Variants in TMEM63B observed in about 807,000 individuals in gnomAD.
The protein encoded by TMEM63B is transmembrane protein 63B.
TMEM63B carries 23 observed loss-of-function variants against 102.6 expected under a neutral mutation model. That is an observed-to-expected ratio of 0.22 (90% CI 0.16 to 0.32). The LOEUF is 0.32. Among genes scored for constraint, TMEM63B ranks in the 10% least tolerant of loss-of-function variants. The pLI, the probability that TMEM63B is intolerant of heterozygous loss-of-function variation, is 1.00. For missense variants in TMEM63B, 628 were observed against 1,095.9 expected, an observed-to-expected ratio of 0.57 and a Z score of 6.03; for synonymous variants, 444 against 437.0, an observed-to-expected ratio of 1.02 and a Z score of -0.20.
rs927208802 is a variant in TMEM63B, at chr6:44,152,832, G to A, written c.1942+134G>A. The A allele has an allele frequency of 3.1e-5, 22 of 712,344 alleles. No individual in the cohort carries two copies. The highest frequency in any genetic ancestry group is 2.2e-4 in the East Asian group (8 of 36,888). 44.1% of individuals were successfully genotyped at this position (712,344 alleles called of 1,614,324 possible). On this transcript the variant is annotated intron_variant, in intron 20 of 23. Coordinates refer to ENST00000323267, the MANE Select transcript of TMEM63B (RefSeq NM_018426.3). The surrounding 1 kb of genome is among the most constrained non-coding windows in gnomAD (Gnocchi z 6.4). The stretch of plus-strand genomic sequence containing the variant: ...GACCGGCCCCTCGGGGCTCCCGCCC[G>A]GTCCCTGGCTCAGTCTGGGGCCTGG...
intron 1 of TMEM63B, among the ~76,000 whole-genome samples, chr6:44,130,658 C>T (rs1778089463): frequency 1.3e-5 from 2 of 151,598 alleles, no homozygotes; most frequent in African/African-American, 4.8e-5. Context: ...GCTATGTTGC[C>T]CAAGCTGGTC....
chr6:44,146,238 G>C (rs2128250238), intron 10 of TMEM63B, among the ~76,000 whole-genome samples: 1 of 152,096 alleles, frequency 6.6e-6, no homozygotes. Context: ...CCCTGGACAG[G>C]AATCAGACCA....
chr6:44,135,269 C>T, intron 3 of TMEM63B, 59 bp from the exon 4 acceptor site: 3 of 1,587,138 alleles, frequency 1.9e-6, no homozygotes, highest in Non-Finnish European at 2.6e-6. Context: ...CCCTGTTCCT[C>T]ACCTGTCCCC....
chr6:44,132,120 C>G lies in TMEM63B; in HGVS notation c.-24-2441C>G, dbSNP rs558200401. The stretch of plus-strand genomic sequence containing the variant: ...GCCCAGGCTCCACCCCTTACCTGTC[C>G]TGTCACTGTGCAAGTTGCTTCCCCT... On this transcript the variant is annotated intron_variant, in intron 1 of 23. Coordinates refer to ENST00000323267, the MANE Select transcript of TMEM63B (RefSeq NM_018426.3). Among the ~76,000 whole-genome samples the G allele has an allele frequency of 3.9e-5, 6 of 152,348 alleles. No homozygotes were observed. The East Asian group carries it at 1.2e-3, about 29-fold the overall frequency.
chr6:44,148,142 A>T lies in TMEM63B; in HGVS notation c.988-110A>T. On this transcript the variant is annotated intron_variant, in intron 12 of 23. Coordinates refer to ENST00000323267, the MANE Select transcript of TMEM63B (RefSeq NM_018426.3). This position sits in a 1 kb window ranked among gnomAD's most constrained non-coding sequence, Gnocchi z 5.1. The stretch of plus-strand genomic sequence containing the variant: ...TGTTTCCAAAAAAAAAAAAATGCTT[A>T]GAGGAGCAGTGCCTGGCTTGTAGGA... The T allele has an allele frequency of 6.7e-7, 1 of 1,489,518 alleles. No homozygotes were observed. Among genetic ancestry groups the T allele is most frequent in the Non-Finnish European group, 9.0e-7 (1 of 1,109,118 alleles). 92.3% of individuals were successfully genotyped at this position (1,489,518 alleles called of 1,614,324 possible).
At chr6:44,146,974 A>G in intron 11 of TMEM63B, 47 bp downstream of exon 11, 2 of 1,590,164 alleles carry the variant, frequency 1.3e-6, no homozygotes, top group African/African-American at 1.3e-5. Context: ...GCCCCCTGCC[A>G]TTGTGGAGGA....
In TMEM63B at chr6:44,148,811, G is replaced by A; in HGVS notation, c.1279G>A (p.Gly427Ser). 6.2e-7 allele frequency: 1 copy of A among 1,614,098 alleles called. No homozygotes were observed. The highest frequency in any genetic ancestry group is 8.5e-7 in the Non-Finnish European group (1 of 1,180,024). ...NIYWEHLSIR[G>S]FIWWLRCLVI... is the part of the protein sequence containing the mutation. Reference sequence around the variant, plus strand: ...TGCCAGGGAGCACCTCTCCATCCGAGGCTTCATCTGGTGGCTGCGCTGCCT... The same window carrying A: ...TGCCAGGGAGCACCTCTCCATCCGAAGCTTCATCTGGTGGCTGCGCTGCCT... Residue 427 changes from glycine (G) to serine (S), a missense_variant, in exon 15 of 24, where the codon GGC becomes AGC. By Grantham distance (56) the Gly-to-Ser change is moderately conservative. Coordinates refer to ENST00000323267, the MANE Select transcript of TMEM63B (RefSeq NM_018426.3). This position sits in a 1 kb window ranked among gnomAD's most constrained non-coding sequence, Gnocchi z 5.1.
chr6:44,140,578 G>T lies in TMEM63B; in HGVS notation c.711+218G>T, dbSNP rs1049387333. The T allele has an allele frequency of 9.1e-6, 6 of 656,372 alleles. No homozygotes were observed. The Admixed American group carries it at 1.3e-4, about 14-fold the overall frequency. The allele number at this position is 656,372 out of a possible 1,614,324, so 40.7% of individuals were successfully genotyped here. A position where few individuals can be genotyped will look rare whatever the true frequency, so the allele number is the denominator to read the frequency against. ...ACAGTACCTCCCCCAAGGTTGTGGG[G>T]AATACACAGAAACAGCCGTGCTGTG... is the stretch of plus-strand genomic sequence containing the variant. On this transcript the variant is annotated intron_variant, in intron 9 of 23. Coordinates refer to ENST00000323267, the MANE Select transcript of TMEM63B (RefSeq NM_018426.3).
chr6:44,150,372 G>A lies in TMEM63B; in HGVS notation c.1607+62G>A, dbSNP rs1413618242. On this transcript the variant is annotated intron_variant, in intron 17 of 23. Coordinates refer to ENST00000323267, the MANE Select transcript of TMEM63B (RefSeq NM_018426.3). This position sits in a 1 kb window ranked among gnomAD's most constrained non-coding sequence, Gnocchi z 4.7. ...GGGACAGCAGGATAGGGAGAGGAGA[G>A]CAGTTCAGCCTCCCTACCTCCCCTA... The A allele has an allele frequency of 6.5e-7, 1 of 1,548,602 alleles. No individual in the cohort carries two copies. Among genetic ancestry groups the A allele is most frequent in the Non-Finnish European group, 8.9e-7 (1 of 1,121,062 alleles).
At chr6:44,149,264 C>G (rs957844609) in intron 15 of TMEM63B, 1 of 433,514 alleles carries the variant, frequency 2.3e-6, no homozygotes, top group Non-Finnish European at 4.3e-6. Flanking sequence ...TCAACTAGAT[C>G]AGTGGCTTTG....
chr6:44,138,583 A>C, intron 6 of TMEM63B, 66 bp downstream of exon 6: 1 of 1,602,070 alleles, frequency 6.2e-7, no homozygotes, highest in Non-Finnish European at 8.5e-7. Flanking sequence ...CTCCCTACAA[A>C]ATTCAGAAGC....
chr6:44,148,193 G>A lies in TMEM63B; in HGVS notation c.988-59G>A. On this transcript the variant is annotated intron_variant, in intron 12 of 23. Transcript: ENST00000323267. This position sits in a 1 kb window ranked among gnomAD's most constrained non-coding sequence, Gnocchi z 5.1. ...AGCCCCAAGTCAGCGTGGGCTGGATGCTGCAGGCCCCAGCCTGGCTTTCCA... is the reference window on the plus strand; with the variant it reads ...AGCCCCAAGTCAGCGTGGGCTGGATACTGCAGGCCCCAGCCTGGCTTTCCA... 1.2e-6 allele frequency: 2 copies of A among 1,601,136 alleles called. No homozygotes were observed. Among genetic ancestry groups the A allele is most frequent in the East Asian group, 4.5e-5 (2 of 44,718 alleles).
At chr6:44,138,326 A>T in intron 5 of TMEM63B, 154 bp from the exon 6 acceptor site, 2 of 862,854 alleles carry the variant, frequency 2.3e-6, no homozygotes, top group Admixed American at 2.1e-5. Context: ...CTTTTTGGGT[A>T]TAAGCTAGTT....
intron 10 of TMEM63B, among the ~76,000 whole-genome samples, chr6:44,142,872 A>G (rs1157507499): frequency 1.3e-5 from 2 of 152,214 alleles, no homozygotes; most frequent in Admixed American, 1.3e-4. Context: ...TTAGCCAGAC[A>G]TGGTAGCATG....
At chr6:44,151,755 G>GT in intron 18 of TMEM63B, 91 bp from the exon 19 acceptor site, 11 of 1,416,210 alleles carry the variant, frequency 7.8e-6, no homozygotes, top group Non-Finnish European at 1.1e-5. Flanking sequence ...CATGTTGGTG[G>GT]TGGAGGTGTT....
At position 44,138,737 on chromosome 6, in the gene TMEM63B, C is replaced by CCCCCCCCCCA; in HGVS notation, c.407+226_407+227insCCCACCCCCC. ...AATCTCCTCTGTGACCCCCTGCCGGCCCCCCCGCTTCTCTCCCTGCCCTGC... is the reference window on the plus strand; with the variant it reads ...AATCTCCTCTGTGACCCCCTGCCGGCCCCCCCCCCACCCCCCGCTTCTCTCCCTGCCCTGC... On this transcript the variant is annotated intron_variant, in intron 6 of 23. Transcript: ENST00000323267. The CCCCCCCCCCA allele has an allele frequency of 6.1e-6, 2 of 328,106 alleles. 1 individual carries two copies. The highest frequency in any genetic ancestry group is 1.1e-5 in the Non-Finnish European group (2 of 180,146). 20.3% of individuals were successfully genotyped at this position (328,106 alleles called of 1,614,324 possible).
intron 1 of TMEM63B, among the ~76,000 whole-genome samples, chr6:44,129,014 G>A (rs930298766): frequency 3.3e-5 from 5 of 152,198 alleles, no homozygotes; most frequent in African/African-American, 1.2e-4. Flanking sequence ...AGAGACCTGC[G>A]TTCAAATTCT....
intron 12 of TMEM63B, 43 bp downstream of exon 12, chr6:44,147,543 G>C: frequency 6.2e-7 from 1 of 1,605,838 alleles, no homozygotes; most frequent in Non-Finnish European, 8.5e-7. Context: ...AGTTGGACAG[G>C]TCCTGGGCAG....
At chr6:44,139,201 T>C (rs1763722371) in intron 6 of TMEM63B, among the ~76,000 whole-genome samples, 1 of 152,128 alleles carries the variant, frequency 6.6e-6, no homozygotes, top group Non-Finnish European at 1.5e-5. Context: ...TTCTTTTACC[T>C]ATCTTTTCCT....
Sources: gnomAD v4.1 joint callset for allele counts (sites outside exome capture counted in the v4.1 genomes callset) on GRCh38, gnomAD v4.1.1 for gene constraint, Gnocchi (gnomAD v3.1) non-coding constraint, MANE v1.5 for transcripts, NCBI Gene and HGNC (gene_info 2026-07-23, HGNC 2026-07-21) for gene names.